The following DNAH9 variants were observed in gnomAD, a reference collection of about 807,000 sequenced individuals.
DNAH9 encodes the protein dynein axonemal heavy chain 9, also known as DNAH9 variant protein.
In DNAH9, 345 loss-of-function variants were observed where a neutral mutation model predicts 471.6. That is an observed-to-expected ratio of 0.73 (90% confidence interval 0.67 to 0.80). DNAH9 has a LOEUF of 0.80. Ranked by LOEUF, DNAH9 falls within the 30% of genes least tolerant of loss-of-function variation. The probability of loss-of-function intolerance (pLI) is 0.00; values close to 1 mark genes in which losing one functional copy is unlikely to be tolerated. For synonymous variants in DNAH9, 2,093 were observed against 2,123.6 expected, an observed-to-expected ratio of 0.99 and a Z score of 0.40; for missense variants, 5,407 against 5,609.2, an observed-to-expected ratio of 0.96 and a Z score of 1.15.
At chr17:11,805,477 T>C (rs1333611688) in intron 43 of DNAH9, among the ~76,000 whole-genome samples, 1 of 140,458 alleles carries the variant, frequency 7.1e-6, no homozygotes, top group Non-Finnish European at 1.5e-5. Flanking sequence ...TGCAATTCAA[T>C]CTCAAACGTA....
intron 52 of DNAH9, among the ~76,000 whole-genome samples, chr17:11,872,564 G>T (rs1313442109): frequency 6.6e-6 from 1 of 152,110 alleles, no homozygotes; most frequent in Non-Finnish European, 1.5e-5. Flanking sequence ...CACACAAAAC[G>T]TTCAAGACCG....
intron 57 of DNAH9, 137 bp downstream of exon 57, chr17:11,887,102 A>G (rs1024465127): frequency 1.2e-5 from 14 of 1,195,062 alleles, no homozygotes; most frequent in Admixed American, 2.7e-5. Context: ...GAGAGGAGCT[A>G]TGTTACCTTC....
At chr17:11,722,615 C>T (rs1317938358) in intron 27 of DNAH9, among the ~76,000 whole-genome samples, 1 of 152,178 alleles carries the variant, frequency 6.6e-6, no homozygotes, top group Admixed American at 6.5e-5. Flanking sequence ...TTGCTATCCC[C>T]TCTGCCTTAG....
chr17:11,751,809 G>T (rs12103853), intron 32 of DNAH9, among the ~76,000 whole-genome samples: 141,447 of 152,118 alleles, frequency 0.93, 66,238 homozygotes, highest in Non-Finnish European at 0.99. Context: ...AAATTATTGT[G>T]TTGTTTATTA....
chr17:11,783,529 A>G (rs1968745092), intron 39 of DNAH9, 117 bp from the exon 40 acceptor site: 1 of 661,394 alleles, frequency 1.5e-6, no homozygotes, highest in Non-Finnish European at 2.6e-6. Context: ...CGGTGGATCT[A>G]GACTTTTTTA....
At chr17:11,820,815 T>A (rs1177811461) in intron 45 of DNAH9, among the ~76,000 whole-genome samples, 2 of 152,224 alleles carry the variant, frequency 1.3e-5, no homozygotes, top group East Asian at 1.9e-4. Context: ...GTCAAATTTG[T>A]CAATTTTATG....
At chr17:11,847,914 C>T (rs1971283131) in intron 49 of DNAH9, among the ~76,000 whole-genome samples, 1 of 152,086 alleles carries the variant, frequency 6.6e-6, no homozygotes, top group Non-Finnish European at 1.5e-5. Context: ...TCTTCGGCCT[C>T]CACCTGCCCT....
chr17:11,757,840 GA>G, intron 35 of DNAH9, 148 bp downstream of exon 35: 1 of 816,982 alleles, frequency 1.2e-6, no homozygotes, highest in Non-Finnish European at 1.9e-6. Flanking sequence ...TGGCAAAGGG[GA>G]CACACATTAG....
At chr17:11,853,977 C>G (rs1242232717) in intron 49 of DNAH9, 26 bp from the exon 50 acceptor site, 1 of 1,607,162 alleles carries the variant, frequency 6.2e-7, no homozygotes, top group Admixed American at 1.7e-5. Context: ...TCATGTTCCC[C>G]TAACCACCTC....
chr17:11,855,253 A>G (rs1300663681), intron 50 of DNAH9, among the ~76,000 whole-genome samples: 3 of 152,216 alleles, frequency 2.0e-5, no homozygotes, highest in Non-Finnish European at 4.4e-5. Flanking sequence ...AATGAACTCC[A>G]AAGAGATAGA....
At chr17:11,606,118 T>A (rs1438128315) in intron 1 of DNAH9, among the ~76,000 whole-genome samples, 1 of 152,190 alleles carries the variant, frequency 6.6e-6, no homozygotes, top group Admixed American at 6.5e-5. Flanking sequence ...TTGTAAACTT[T>A]CCTTCCTTTT....
intron 55 of DNAH9, 68 bp from the exon 56 acceptor site, chr17:11,883,518 C>A: frequency 6.4e-7 from 1 of 1,566,406 alleles, no homozygotes. Flanking sequence ...TCGCCCTATT[C>A]AGACACATCC....
At chr17:11,943,124 G>A (rs1176163276) in intron 67 of DNAH9, among the ~76,000 whole-genome samples, 2 of 151,724 alleles carry the variant, frequency 1.3e-5, no homozygotes, top group Non-Finnish European at 2.9e-5. Flanking sequence ...TCCATCTCCT[G>A]ACCTCATAAT....
At position 11,604,620 on chromosome 17, in the gene DNAH9, A is replaced by C. The variant is rs182462778; in HGVS notation, c.418-3509A>C. On this transcript the variant is annotated intron_variant, in intron 1 of 68. Coordinates refer to ENST00000262442, the MANE Select transcript of DNAH9 (RefSeq NM_001372.4). ...TCTCTGAAGATCTTACTCCACCTTTACTCCTCCCCACATCAGTTGACAGCA... is the reference window on the plus strand; with the variant it reads ...TCTCTGAAGATCTTACTCCACCTTTCCTCCTCCCCACATCAGTTGACAGCA... Among the ~76,000 whole-genome samples the C allele has an allele frequency of 1.1e-4, 17 of 150,606 alleles. No homozygotes were observed. In the East Asian group the frequency reaches 3.1e-3, roughly 28 times the overall value.
In DNAH9 at chr17:11,701,243, C is replaced by T. The variant is rs1258181207; in HGVS notation, c.5147C>T (p.Ala1716Val). 6.2e-7 allele frequency: 1 copy of T among 1,613,206 alleles called. No homozygotes were observed. Among genetic ancestry groups the T allele is most frequent in the South Asian group, 1.1e-5 (1 of 91,026 alleles). ...PREQWLFDHP[A>V]QVALTCTQIW... ...GAGCAGTGGCTTTTTGACCACCCAG[C>T]TCAGGTATTCTCCTAATGGGATCCC... is the stretch of plus-strand genomic sequence containing the variant. The change falls in exon 24 of 69, where the codon GCT (alanine) becomes GTT (valine). Residue 1716 changes from alanine (A) to valine (V), a missense_variant. Physicochemically the swap from Ala to Val is moderately conservative, Grantham distance 64. This residue lies in a region of DNAH9 where 4,636 missense variants were observed against 4,900.3 expected (regional missense o/e 0.95). Coordinates refer to ENST00000262442, the MANE Select transcript of DNAH9 (RefSeq NM_001372.4).
At chr17:11,969,119 C>T (rs1467603924) in intron 68 of DNAH9, among the ~76,000 whole-genome samples, 181 bp from the exon 69 acceptor site, 4 of 152,104 alleles carry the variant, frequency 2.6e-5, no homozygotes, top group African/African-American at 4.8e-5. Flanking sequence ...AAAATAGAAA[C>T]GTGTTTCTAC....
At position 11,626,400 on chromosome 17, in the gene DNAH9, G is replaced by T. The variant is rs188339726; in HGVS notation, c.1351-3017G>T. 7.1e-4 allele frequency among the ~76,000 whole-genome samples: 108 copies of T among 152,304 alleles called. 2 individuals carry two copies. In the East Asian group the frequency reaches 0.015, roughly 21 times the overall value. ...GATATAGCCATGGTCAATGCCATAA[G>T]TCTGGTGTCTATAGTTGTAAGACAA... On this transcript the variant is annotated intron_variant, in intron 6 of 68. Coordinates refer to ENST00000262442, the MANE Select transcript of DNAH9 (RefSeq NM_001372.4). This position sits in a 1 kb window ranked among gnomAD's most constrained non-coding sequence, Gnocchi z 4.3.
rs200109759 is a variant in DNAH9, at chr17:11,608,259, A to T, written c.548A>T (p.Lys183Ile). The change falls in exon 2 of 69, where the codon AAA becomes ATA. Residue 183 changes from lysine to isoleucine, a missense_variant. By Grantham distance (102) the Lys-to-Ile change is moderately radical. Coordinates refer to ENST00000262442, the MANE Select transcript of DNAH9 (RefSeq NM_001372.4). ...GTTATACTTGAGCAAGTGAAGGGAAAAACTTTGCTGCCTCTTCCAGCAGGC... is the reference window on the plus strand; with the variant it reads ...GTTATACTTGAGCAAGTGAAGGGAATAACTTTGCTGCCTCTTCCAGCAGGC... Reference protein sequence around the residue: ...LSVILEQVKGKTLLPLPAGSE... With the variant: ...LSVILEQVKGITLLPLPAGSE... 5 of 1,613,866 alleles carry T rather than the reference A, an allele frequency of 3.1e-6. No individual in the cohort carries two copies. The African/African-American group carries it at 5.3e-5, about 17-fold the overall frequency.
intron 61 of DNAH9, among the ~76,000 whole-genome samples, chr17:11,917,219 T>A (rs768746428): frequency 6.6e-6 from 1 of 152,132 alleles, no homozygotes; most frequent in East Asian, 1.9e-4. Context: ...AATGGCACGA[T>A]CTCAGCTCAC....
Sources: allele counts gnomAD v4.1 joint callset (sites outside exome capture counted in the v4.1 genomes callset), GRCh38; gene constraint gnomAD v4.1.1; regional missense constraint gnomAD v4.1.1; non-coding constraint Gnocchi (gnomAD v3.1); transcripts MANE v1.5; gene names NCBI Gene and HGNC (gene_info 2026-07-23, HGNC 2026-07-21).